HAGH: variants seen among roughly 807,000 people sequenced by gnomAD.
HAGH encodes hydroxyacylglutathione hydrolase, mitochondrial.
HAGH carries 29 observed loss-of-function variants against 35.1 expected under a neutral mutation model. The observed-to-expected ratio is 0.83, with a 90% CI of 0.62 to 1.13. HAGH has a LOEUF of 1.13. HAGH is among the 50% of genes most tolerant of loss of function. The probability of loss-of-function intolerance (pLI) is 0.00; values close to 1 mark genes in which losing one functional copy is unlikely to be tolerated. For synonymous variants in HAGH, 225 were observed against 176.1 expected (o/e 1.28, Z -2.20); for missense variants, 478 against 419.6 (o/e 1.14, Z -1.22).
At chr16:1,818,207 A>G (rs1897992576) in intron 5 of HAGH, among the ~76,000 whole-genome samples, 1 of 152,012 alleles carries the variant, frequency 6.6e-6, no homozygotes, top group African/African-American at 2.4e-5. Flanking sequence ...CACAGGTGAG[A>G]CCCAGGGACT....
Position 1,825,793 on chromosome 16 carries a change from G to T in HAGH, c.76+919C>A, listed in dbSNP as rs1218509526. 3.3e-5 allele frequency among the ~76,000 whole-genome samples: 5 copies of T among 152,066 alleles called. No individual in the cohort carries two copies. In the East Asian group the frequency reaches 9.7e-4, roughly 29 times the overall value. On this transcript the variant is annotated intron_variant, in intron 1 of 8. Coordinates refer to ENST00000397356, the MANE Select transcript of HAGH (RefSeq NM_005326.6). ...TCTCAACATGTTGCCAGGCTGGTCT[G>T]GAACTCCTGGACTCAAGCGATCCTC... is the stretch of plus-strand genomic sequence containing the variant.
chr16:1,823,690 C>A (rs1898261278), intron 1 of HAGH, among the ~76,000 whole-genome samples: 1 of 133,610 alleles, frequency 7.5e-6, no homozygotes, highest in Admixed American at 9.0e-5. Context: ...CTGCAGTGAG[C>A]TATGACTGTG....
At chr16:1,814,719 G>A (rs1483054558) in intron 7 of HAGH, among the ~76,000 whole-genome samples, 14 of 151,844 alleles carry the variant, frequency 9.2e-5, no homozygotes, top group Admixed American at 9.2e-4. Context: ...ATAACACGGT[G>A]AAACCCATCT....
At chr16:1,826,588 C>G (rs2142058248) in intron 1 of HAGH, 124 bp downstream of exon 1, 8 of 982,528 alleles carry the variant, frequency 8.1e-6, no homozygotes, top group Non-Finnish European at 9.7e-6. Context: ...AGCCCGGCAG[C>G]GCGGCCTTAG....
At chr16:1,814,244 G>A (rs532552907) in intron 7 of HAGH, among the ~76,000 whole-genome samples, 7 of 152,204 alleles carry the variant, frequency 4.6e-5, no homozygotes, top group South Asian at 2.1e-4. Flanking sequence ...GGAGCCCAAG[G>A]TGGGCAGATC....
chr16:1,816,789 T>C, intron 7 of HAGH, 104 bp downstream of exon 7: 8 of 733,506 alleles, frequency 1.1e-5, no homozygotes, highest in Non-Finnish European at 1.2e-5. Flanking sequence ...AGGCCTGCTC[T>C]CTGGGCTCAG....
At chr16:1,814,414 C>T (rs1316207705) in intron 7 of HAGH, among the ~76,000 whole-genome samples, 6 of 150,004 alleles carry the variant, frequency 4.0e-5, no homozygotes, top group African/African-American at 7.4e-5. Flanking sequence ...GTGGATGTTG[C>T]GGTGAGCTGA....
At chr16:1,810,723 C>CT in intron 7 of HAGH, 1 of 152,404 alleles carries the variant, frequency 6.6e-6, no homozygotes, top group Non-Finnish European at 1.5e-5. Flanking sequence ...CTGACAGAAG[C>CT]TGCTGGTGCC....
intron 7 of HAGH, chr16:1,812,382 T>TA (rs926136723): frequency 2.0e-5 from 3 of 150,848 alleles, no homozygotes; most frequent in Non-Finnish European, 4.4e-5. Context: ...CACATGCCTG[T>TA]AGTCCCAGCT....
At chr16:1,810,925 C>G (rs1219624743) in intron 7 of HAGH, 2 of 151,632 alleles carry the variant, frequency 1.3e-5, no homozygotes, top group Non-Finnish European at 1.5e-5. Flanking sequence ...AAAATATTCC[C>G]TGTGTTCCCA....
intron 7 of HAGH, among the ~76,000 whole-genome samples, chr16:1,811,309 G>A (rs1897637464): frequency 1.3e-5 from 2 of 152,184 alleles, no homozygotes; most frequent in African/African-American, 4.8e-5. Context: ...AGCTACTGGA[G>A]AAGCTGAGGC....
chr16:1,819,259 C>T, intron 4 of HAGH, 36 bp from the exon 5 acceptor site: 1 of 1,372,624 alleles, frequency 7.3e-7, no homozygotes, highest in Non-Finnish European at 1.0e-6. Flanking sequence ...TGCTCCCAGA[C>T]ACCCTGGAGA....
At chr16:1,812,445 G>A (rs563978003) in intron 7 of HAGH, 7 of 147,798 alleles carry the variant, frequency 4.7e-5, no homozygotes, top group East Asian at 2.0e-4. Context: ...CAGGGGTTGC[G>A]GTGAGCCGAG....
chr16:1,809,855 T>C, intron 7 of HAGH, 22 bp from the exon 8 acceptor site: 1 of 1,580,866 alleles, frequency 6.3e-7, no homozygotes. Context: ...ACGCACCACT[T>C]TATCACGGGA....
chr16:1,811,672 C>A (rs1035867024), intron 7 of HAGH, among the ~76,000 whole-genome samples: 2 of 151,418 alleles, frequency 1.3e-5, no homozygotes, highest in African/African-American at 4.9e-5. Flanking sequence ...GCCGAGATCG[C>A]ACCACTGCAC....
chr16:1,823,434 A>AT (rs1898246776), intron 1 of HAGH, among the ~76,000 whole-genome samples: 1 of 151,758 alleles, frequency 6.6e-6, no homozygotes, highest in Non-Finnish European at 1.5e-5. Context: ...TACCCGGCTA[A>AT]TTTTTTGTAT....
chr16:1,827,141 G>T, upstream of HAGH: 1 of 1,488,658 alleles, frequency 6.7e-7, no homozygotes, highest in Non-Finnish European at 9.0e-7. Flanking sequence ...CGTCGCTGCG[G>T]GGGACAGCGT....
intron 5 of HAGH, among the ~76,000 whole-genome samples, chr16:1,818,034 G>A (rs762077677): frequency 1.6e-4 from 24 of 152,230 alleles, no homozygotes; most frequent in Non-Finnish European, 3.4e-4. Context: ...GGGAATGGAC[G>A]GTGGGGAGCC....
intron 7 of HAGH, among the ~76,000 whole-genome samples, chr16:1,816,427 C>T (rs1897896213): frequency 1.3e-5 from 2 of 152,148 alleles, no homozygotes; most frequent in African/African-American, 2.4e-5. Flanking sequence ...CCCAGGCGTG[C>T]GTGCTTGTGA....
Sources: allele counts gnomAD v4.1 joint callset (sites outside exome capture counted in the v4.1 genomes callset), GRCh38; gene constraint gnomAD v4.1.1; transcripts MANE v1.5; gene names NCBI Gene and HGNC (gene_info 2026-07-23, HGNC 2026-07-21).